The following GFRAL variants were observed in gnomAD, a reference collection of about 807,000 sequenced individuals.
GFRAL encodes GDNF family receptor alpha like, also known as GDNF family receptor alpha-like.
Under a neutral mutation model 45.4 loss-of-function variants are expected in GFRAL, and 36 were observed. The observed-to-expected ratio is 0.79, with a 90% CI of 0.61 to 1.05. The LOEUF (loss-of-function observed/expected upper bound fraction) is 1.05. Among genes scored for constraint, GFRAL ranks in the 50% least tolerant of loss-of-function variants. GFRAL has a pLI of 0.00. For synonymous variants in GFRAL, 166 were observed against 154.1 expected (o/e 1.08, Z -0.57); for missense variants, 507 against 467.5 (o/e 1.08, Z -0.78).
intron 6 of GFRAL, among the ~76,000 whole-genome samples, chr6:55,390,761 G>A (rs1193145237): frequency 6.6e-6 from 1 of 151,956 alleles, no homozygotes; most frequent in Non-Finnish European, 1.5e-5. Context: ...GGTGGCGAGC[G>A]CCTGTAATCC....
intron 5 of GFRAL, among the ~76,000 whole-genome samples, chr6:55,356,619 T>C (rs1768198398): frequency 6.6e-6 from 1 of 151,876 alleles, no homozygotes; most frequent in African/African-American, 2.4e-5. Flanking sequence ...GCCTAGCTGA[T>C]GGTTTGGAGA....
Position 55,327,474 on chromosome 6 carries a change from C to T in GFRAL, c.-81C>T. 1 of 1,474,594 alleles carries T rather than the reference C, an allele frequency of 6.8e-7. No individual in the cohort carries two copies. The highest frequency in any genetic ancestry group is 9.4e-7 in the Non-Finnish European group (1 of 1,058,514). The allele number at this position is 1,474,594 out of a possible 1,614,324, so 91.3% of individuals were successfully genotyped here. The stretch of plus-strand genomic sequence containing the variant: ...CAAACACAGAGGCTGAAGCCTTATT[C>T]TGGACAGTTACTCTTAAGAAAGTTG... On this transcript the variant is annotated 5_prime_UTR_variant, in exon 1 of 9. Transcript: ENST00000340465.
intron 6 of GFRAL, among the ~76,000 whole-genome samples, chr6:55,369,502 A>G (rs967126583): frequency 2.0e-5 from 3 of 152,168 alleles, no homozygotes; most frequent in Non-Finnish European, 2.9e-5. Context: ...ATCATATCTT[A>G]TAGTAGAGCT....
At chr6:55,364,976 A>G (rs10948904) in intron 6 of GFRAL, among the ~76,000 whole-genome samples, 121,225 of 148,944 alleles carry the variant, frequency 0.81, 49,481 homozygotes, top group Middle Eastern at 0.91. Context: ...TTCTGTGAAG[A>G]AAGTCATTGG....
chr6:55,344,635 C>T (rs915330515), intron 3 of GFRAL, among the ~76,000 whole-genome samples: 7 of 152,164 alleles, frequency 4.6e-5, no homozygotes, highest in Non-Finnish European at 1.5e-5. Context: ...TGGCACAAGA[C>T]AGGGATGCCC....
chr6:55,332,663 C>G (rs1479525928), intron 2 of GFRAL, among the ~76,000 whole-genome samples: 1 of 152,114 alleles, frequency 6.6e-6, no homozygotes, highest in Non-Finnish European at 1.5e-5. Flanking sequence ...GCCTCGTGAT[C>G]TGCCTGCCTC....
At chr6:55,363,944 TATATACCCAGTAATGGG>T (rs910707145) in intron 6 of GFRAL, among the ~76,000 whole-genome samples, 1 of 149,486 alleles carries the variant, frequency 6.7e-6, no homozygotes, top group Admixed American at 6.6e-5. Flanking sequence ...GTCCTTTGGG[TATATACCCAGTAATGGG>T]ATGGCTGGGT....
chr6:55,338,519 T>C (rs1767920034), intron 3 of GFRAL, among the ~76,000 whole-genome samples: 1 of 152,182 alleles, frequency 6.6e-6, no homozygotes, highest in Admixed American at 6.5e-5. Context: ...ATTAAAATAA[T>C]AATTGCCAAA....
chr6:55,362,304 A>C (rs1768286443), intron 6 of GFRAL, among the ~76,000 whole-genome samples: 1 of 151,860 alleles, frequency 6.6e-6, no homozygotes. Flanking sequence ...CAACAAAACA[A>C]AACAAAACAA....
chr6:55,374,565 T>C (rs926792077), intron 6 of GFRAL, among the ~76,000 whole-genome samples: 1 of 152,134 alleles, frequency 6.6e-6, no homozygotes, highest in Non-Finnish European at 1.5e-5. Flanking sequence ...AAAGTTTTCT[T>C]CCACTATGTA....
At chr6:55,401,518 C>A (rs1002964439) in intron 8 of GFRAL, among the ~76,000 whole-genome samples, 1 of 152,036 alleles carries the variant, frequency 6.6e-6, no homozygotes, top group South Asian at 2.1e-4. Context: ...TAGCCCAGAG[C>A]CTTCAAAGAA....
At chr6:55,373,704 C>T (rs962482218) in intron 6 of GFRAL, among the ~76,000 whole-genome samples, 2 of 151,936 alleles carry the variant, frequency 1.3e-5, no homozygotes, top group African/African-American at 2.4e-5. Context: ...CTTAGAAATA[C>T]TAGGCCTTTT....
intron 6 of GFRAL, among the ~76,000 whole-genome samples, chr6:55,360,696 C>T (rs1206680899): frequency 6.6e-6 from 1 of 151,872 alleles, no homozygotes; most frequent in South Asian, 2.1e-4. Context: ...TAATTTTCCT[C>T]TCTTATTAAC....
chr6:55,337,360 G>A (rs1289374525), intron 3 of GFRAL, among the ~76,000 whole-genome samples: 1 of 150,250 alleles, frequency 6.7e-6, no homozygotes, highest in East Asian at 2.2e-4. Flanking sequence ...AAGTATATTG[G>A]CATGTTGATT....
chr6:55,391,339 TTAA>T (rs1273236770), intron 6 of GFRAL, among the ~76,000 whole-genome samples: 1 of 152,254 alleles, frequency 6.6e-6, no homozygotes, highest in Non-Finnish European at 1.5e-5. Flanking sequence ...TGTCTAATGC[TTAA>T]TAATGATACA....
At chr6:55,391,624 C>G (rs1404464785) in intron 6 of GFRAL, among the ~76,000 whole-genome samples, 1 of 152,146 alleles carries the variant, frequency 6.6e-6, no homozygotes, top group African/African-American at 2.4e-5. Context: ...GTGACATGCC[C>G]CTGTAGTCCT....
intron 8 of GFRAL, among the ~76,000 whole-genome samples, chr6:55,399,939 C>A (rs894770248): frequency 6.6e-6 from 1 of 152,066 alleles, no homozygotes; most frequent in Non-Finnish European, 1.5e-5. Context: ...TCACAGAGTG[C>A]CCCTAGAAAG....
rs576784685 is a variant in GFRAL, at chr6:55,390,656, A to G, written c.953-8524A>G. Among the ~76,000 whole-genome samples, 1,123 of 152,022 alleles carry G rather than the reference A, an allele frequency of 7.4e-3. 13 individuals are homozygous for G. Among genetic ancestry groups the G allele is most frequent in the African/African-American group, 0.025 (1,054 of 41,490 alleles). On this transcript the variant is annotated intron_variant, in intron 6 of 8. Coordinates refer to ENST00000340465, the MANE Select transcript of GFRAL (RefSeq NM_207410.2). ...TGTAATCCCAGCACTTTGGGAGACCAAGGCGGGCGGATCACGAGGTCAGCA... is the reference window on the plus strand; with the variant it reads ...TGTAATCCCAGCACTTTGGGAGACCGAGGCGGGCGGATCACGAGGTCAGCA...
chr6:55,371,269 A>T (rs1027674880), intron 6 of GFRAL, among the ~76,000 whole-genome samples: 1 of 152,226 alleles, frequency 6.6e-6, no homozygotes, highest in Admixed American at 6.5e-5. Context: ...TGGTTGAACT[A>T]TAGAAATTCA....
Sources: gnomAD v4.1 joint callset for allele counts (sites outside exome capture counted in the v4.1 genomes callset) on GRCh38, gnomAD v4.1.1 for gene constraint, MANE v1.5 for transcripts, NCBI Gene and HGNC (gene_info 2026-07-23, HGNC 2026-07-21) for gene names.